Variants in FRMD4A observed in about 807,000 individuals in gnomAD.
FRMD4A encodes FERM domain-containing protein 4A.
FRMD4A carries 29 observed loss-of-function variants against 129.1 expected under a neutral mutation model. That is an observed-to-expected ratio of 0.22 (90% confidence interval 0.17 to 0.31). FRMD4A has a LOEUF of 0.31. Ranked by LOEUF, FRMD4A falls within the 10% of genes least tolerant of loss-of-function variation. FRMD4A has a pLI of 1.00. For missense variants in FRMD4A, 1,272 were observed against 1,375.8 expected, an observed-to-expected ratio of 0.92 and a Z score of 1.19; for synonymous variants, 634 against 571.6, an observed-to-expected ratio of 1.11 and a Z score of -1.56.
intron 2 of FRMD4A, among the ~76,000 whole-genome samples, chr10:14,071,492 T>C (rs1393903757): frequency 6.6e-6 from 1 of 152,222 alleles, no homozygotes; most frequent in Non-Finnish European, 1.5e-5. Flanking sequence ...AGATCTTCTT[T>C]GTAAATGACT....
intron 2 of FRMD4A, among the ~76,000 whole-genome samples, chr10:14,266,683 T>C (rs1844992238): frequency 6.6e-6 from 1 of 152,248 alleles, no homozygotes; most frequent in Non-Finnish European, 1.5e-5. Flanking sequence ...ATCATGTTTT[T>C]ATACTGCAGA....
At chr10:14,101,693 G>A (rs986411511) in intron 2 of FRMD4A, among the ~76,000 whole-genome samples, 2 of 151,982 alleles carry the variant, frequency 1.3e-5, no homozygotes, top group African/African-American at 2.4e-5. Flanking sequence ...TCTCCATGCT[G>A]GTGAGCTTCT....
At chr10:13,860,179 G>A (rs4748063) in intron 2 of FRMD4A, among the ~76,000 whole-genome samples, 46,605 of 152,040 alleles carry the variant, frequency 0.31, 8,290 homozygotes, top group East Asian at 0.63. Context: ...TACTGCGTCC[G>A]ATTTCAAGCC....
intron 4 of FRMD4A, among the ~76,000 whole-genome samples, chr10:13,802,880 T>C (rs77753088): frequency 0.012 from 1,885 of 152,184 alleles, 97 homozygotes; most frequent in East Asian, 0.12. Flanking sequence ...AGTATGTGTG[T>C]TCATCAAGGA....
At chr10:14,089,351 C>G (rs924583723) in intron 2 of FRMD4A, among the ~76,000 whole-genome samples, 9 of 152,064 alleles carry the variant, frequency 5.9e-5, no homozygotes, top group Admixed American at 2.0e-4. Flanking sequence ...CCCACCAGCC[C>G]CGCAGTGCAT....
chr10:14,243,716 G>C (rs931481927), intron 2 of FRMD4A, among the ~76,000 whole-genome samples: 3 of 151,224 alleles, frequency 2.0e-5, no homozygotes, highest in African/African-American at 7.3e-5. Context: ...AGAAAAAAAA[G>C]AAAAACTTCT....
intron 18 of FRMD4A, 71 bp from the exon 19 acceptor site, chr10:13,663,580 G>A: frequency 2.5e-6 from 2 of 809,042 alleles, no homozygotes; most frequent in Non-Finnish European, 4.5e-6. Flanking sequence ...TGTAAAAATA[G>A]CATGTCTACT....
intron 6 of FRMD4A, among the ~76,000 whole-genome samples, chr10:13,780,326 C>CAAA (rs35947539): frequency 1.5e-3 from 225 of 145,650 alleles, no homozygotes; most frequent in African/African-American, 5.1e-3. Flanking sequence ...GACTGTGTCT[C>CAAA]AAAAAAAAAA....
chr10:14,251,022 A>T (rs181536963), intron 2 of FRMD4A, among the ~76,000 whole-genome samples: 1 of 152,286 alleles, frequency 6.6e-6, no homozygotes, highest in African/African-American at 2.4e-5. Flanking sequence ...TCAAGAGATC[A>T]CAGTGCCCAA....
chr10:13,960,666 C>T (rs2095440669), intron 2 of FRMD4A, among the ~76,000 whole-genome samples: 1 of 152,312 alleles, frequency 6.6e-6, no homozygotes, highest in East Asian at 1.9e-4. Flanking sequence ...ATGCTCCTAA[C>T]GCCATGCTAA....
chr10:14,073,307 C>A (rs1426279062), intron 2 of FRMD4A, among the ~76,000 whole-genome samples: 3 of 152,076 alleles, frequency 2.0e-5, no homozygotes, highest in African/African-American at 7.2e-5. Context: ...GGGAGGGCTA[C>A]AAGGTGACAG....
intron 2 of FRMD4A, among the ~76,000 whole-genome samples, chr10:14,274,682 G>C (rs1015741224): frequency 6.6e-6 from 1 of 152,072 alleles, no homozygotes; most frequent in Non-Finnish European, 1.5e-5. Flanking sequence ...AAAATGAAGG[G>C]ACAAAAGAGG....
chr10:14,085,745 T>A (rs558272009), intron 2 of FRMD4A, among the ~76,000 whole-genome samples: 3 of 152,272 alleles, frequency 2.0e-5, no homozygotes, highest in African/African-American at 7.2e-5. Context: ...ACTGGTGGAG[T>A]CACGATTTTG....
chr10:13,886,094 CT>C (rs2094616419), intron 2 of FRMD4A, among the ~76,000 whole-genome samples: 1 of 152,186 alleles, frequency 6.6e-6, no homozygotes, highest in South Asian at 2.1e-4. Flanking sequence ...CATCTATATA[CT>C]TCTTCCCAGG....
intron 2 of FRMD4A, among the ~76,000 whole-genome samples, chr10:13,885,679 G>C (rs992062119): frequency 6.6e-6 from 1 of 152,136 alleles, no homozygotes; most frequent in Non-Finnish European, 1.5e-5. Flanking sequence ...CCCTGCAGCC[G>C]TGGCTGCAGC....
At chr10:13,927,673 G>T (rs2095148999) in intron 2 of FRMD4A, among the ~76,000 whole-genome samples, 1 of 152,210 alleles carries the variant, frequency 6.6e-6, no homozygotes, top group Non-Finnish European at 1.5e-5. Context: ...TAGCATGATA[G>T]TAAATGCCAG....
At chr10:14,021,104 C>T (rs973119535) in intron 2 of FRMD4A, among the ~76,000 whole-genome samples, 2 of 152,070 alleles carry the variant, frequency 1.3e-5, no homozygotes, top group Non-Finnish European at 2.9e-5. Context: ...GAAATGCTTG[C>T]CAACAATCTC....
At chr10:13,909,234 T>C (rs902252112) in intron 2 of FRMD4A, among the ~76,000 whole-genome samples, 1 of 152,260 alleles carries the variant, frequency 6.6e-6, no homozygotes, top group Non-Finnish European at 1.5e-5. Context: ...AATAAATGAA[T>C]GAAAGGGTGC....
At chr10:14,189,307 C>G (rs1446865735) in intron 2 of FRMD4A, among the ~76,000 whole-genome samples, 1 of 152,202 alleles carries the variant, frequency 6.6e-6, no homozygotes, top group East Asian at 1.9e-4. Context: ...GGCGCGGTTG[C>G]TCACGCCTGT....
Sources: allele counts gnomAD v4.1 joint callset (sites outside exome capture counted in the v4.1 genomes callset), GRCh38; gene constraint gnomAD v4.1.1; transcripts MANE v1.5; gene names NCBI Gene and HGNC (gene_info 2026-07-23, HGNC 2026-07-21).